The following AGPS variants were observed in gnomAD, a reference collection of about 807,000 sequenced individuals.
AGPS encodes the protein alkylglycerone phosphate synthase.
Under a neutral mutation model 90.7 loss-of-function variants are expected in AGPS, and 26 were observed. The observed-to-expected ratio is 0.29, with a 90% CI of 0.21 to 0.40. The LOEUF is 0.40. Ranked by LOEUF, AGPS falls within the 10% of genes least tolerant of loss-of-function variation. AGPS has a pLI of 1.00. For missense variants in AGPS, 540 were observed against 816.1 expected, an observed-to-expected ratio of 0.66 and a Z score of 4.12; for synonymous variants, 294 against 285.3, an observed-to-expected ratio of 1.03 and a Z score of -0.31.
At chr2:177,436,908 A>T in intron 4 of AGPS, 24 bp downstream of exon 4, 1 of 1,611,346 alleles carries the variant, frequency 6.2e-7, no homozygotes. Flanking sequence ...TATTAGCCCT[A>T]TTTATTTTTA....
At chr2:177,474,994 T>C (rs1687738729) in intron 10 of AGPS, among the ~76,000 whole-genome samples, 2 of 152,250 alleles carry the variant, frequency 1.3e-5, no homozygotes, top group South Asian at 4.1e-4. Context: ...TCAGGGTTTA[T>C]ACTCACCTTC....
intron 2 of AGPS, among the ~76,000 whole-genome samples, chr2:177,432,222 A>G (rs182443534): frequency 6.6e-6 from 1 of 152,186 alleles, no homozygotes; most frequent in Non-Finnish European, 1.5e-5. Flanking sequence ...CTGGTTCTGT[A>G]TCTTCTATAA....
intron 8 of AGPS, among the ~76,000 whole-genome samples, chr2:177,456,979 C>G (rs904356473): frequency 3.3e-5 from 5 of 152,086 alleles, no homozygotes; most frequent in African/African-American, 1.2e-4. Context: ...GAACAGAAAT[C>G]ATAACAAACA....
chr2:177,461,743 A>G (rs1306585658), intron 8 of AGPS, 150 bp from the exon 9 acceptor site: 4 of 704,052 alleles, frequency 5.7e-6, no homozygotes, highest in Non-Finnish European at 8.7e-6. Flanking sequence ...GTGTGATAAA[A>G]GTATCTTTTT....
intron 18 of AGPS, among the ~76,000 whole-genome samples, chr2:177,523,441 A>G (rs991267617): frequency 2.0e-5 from 3 of 152,222 alleles, no homozygotes; most frequent in Non-Finnish European, 2.9e-5. Flanking sequence ...CTGACTCTAC[A>G]TTTACAACTT....
At chr2:177,444,552 G>A (rs16865285) in intron 7 of AGPS, among the ~76,000 whole-genome samples, 4,029 of 151,938 alleles carry the variant, frequency 0.027, 182 homozygotes, top group African/African-American at 0.092. Context: ...TTTTCACAAC[G>A]CTGTGAATTA....
At chr2:177,395,559 A>G (rs750820578) in intron 1 of AGPS, among the ~76,000 whole-genome samples, 2 of 152,226 alleles carry the variant, frequency 1.3e-5, no homozygotes, top group African/African-American at 2.4e-5. Context: ...ATCATGAGGA[A>G]CCCAAGTCTC....
At chr2:177,476,150 A>G (rs998767608) in intron 10 of AGPS, among the ~76,000 whole-genome samples, 29 of 150,250 alleles carry the variant, frequency 1.9e-4, no homozygotes, top group African/African-American at 6.6e-4. Context: ...ATTATTTTTT[A>G]TTGGTTTTCT....
chr2:177,434,503 T>C, intron 3 of AGPS, 86 bp downstream of exon 3: 3 of 1,002,362 alleles, frequency 3.0e-6, no homozygotes, highest in Non-Finnish European at 3.1e-6. Context: ...ATTCATTATA[T>C]TGGATTTACT....
At chr2:177,466,494 G>A (rs1033478757) in intron 9 of AGPS, among the ~76,000 whole-genome samples, 3 of 152,216 alleles carry the variant, frequency 2.0e-5, no homozygotes, top group African/African-American at 4.8e-5. Flanking sequence ...TTCCGCCCAG[G>A]AGCCTGTCTG....
chr2:177,540,918 T>C lies in AGPS; in HGVS notation c.*2723T>C, dbSNP rs1250373512. On this transcript the variant is annotated 3_prime_UTR_variant, in exon 20 of 20. Coordinates refer to ENST00000264167, the MANE Select transcript of AGPS (RefSeq NM_003659.4). ...TAATGTTTGGTGCAATTTCTAGTAG[T>C]GCATAAGTGAATTTAGTCTTATGAT... is the stretch of plus-strand genomic sequence containing the variant. The C allele has an allele frequency of 6.6e-6, 1 of 152,098 alleles. No individual in the cohort carries two copies. The highest frequency in any genetic ancestry group is 1.5e-5 in the Non-Finnish European group (1 of 67,976). The allele number at this position is 152,098 out of a possible 1,614,324, so 9.4% of individuals were successfully genotyped here.
chr2:177,497,637 C>A (rs1688447384), intron 12 of AGPS, 52 bp from the exon 13 acceptor site: 3 of 1,048,716 alleles, frequency 2.9e-6, no homozygotes, highest in Admixed American at 5.2e-5. Flanking sequence ...GCTTCTTGAT[C>A]TTCTGAAAAA....
At chr2:177,497,860 A>T in intron 13 of AGPS, 95 bp downstream of exon 13, 1 of 552,460 alleles carries the variant, frequency 1.8e-6, no homozygotes. Flanking sequence ...GTGTTTTTCC[A>T]TGTTGCTATG....
Position 177,426,770 on chromosome 2 carries a change from A to G in AGPS, c.350+6412A>G, listed in dbSNP as rs147798119. Among the ~76,000 whole-genome samples the G allele has an allele frequency of 2.6e-3, 392 of 152,266 alleles. 4 individuals carry two copies. Among genetic ancestry groups the G allele is most frequent in the African/African-American group, 9.0e-3 (374 of 41,544 alleles). ...GATGTATTGCTGGGTTCAGTTTGCCAGTATTTTATTTAGGATTTTTGCATT... is the reference window on the plus strand; with the variant it reads ...GATGTATTGCTGGGTTCAGTTTGCCGGTATTTTATTTAGGATTTTTGCATT... On this transcript the variant is annotated intron_variant, in intron 2 of 19. Coordinates refer to ENST00000264167, the MANE Select transcript of AGPS (RefSeq NM_003659.4).
At chr2:177,527,123 T>C (rs2079096395) in intron 19 of AGPS, among the ~76,000 whole-genome samples, 1 of 152,104 alleles carries the variant, frequency 6.6e-6, no homozygotes, top group East Asian at 1.9e-4. Context: ...GACATGTAAT[T>C]AATTTTTTTT....
chr2:177,471,626 A>G (rs1345937200), intron 10 of AGPS, among the ~76,000 whole-genome samples: 2 of 152,124 alleles, frequency 1.3e-5, no homozygotes, highest in African/African-American at 4.8e-5. Flanking sequence ...TTTGTCTACA[A>G]TTAAAGAGAT....
At chr2:177,395,639 G>A (rs2105579948) in intron 1 of AGPS, among the ~76,000 whole-genome samples, 1 of 152,334 alleles carries the variant, frequency 6.6e-6, no homozygotes, top group South Asian at 2.1e-4. Context: ...GAAGATAAAT[G>A]ATAGAGGAAG....
chr2:177,405,681 T>TC (rs1685450360), intron 1 of AGPS, among the ~76,000 whole-genome samples: 1 of 151,432 alleles, frequency 6.6e-6, no homozygotes, highest in African/African-American at 2.4e-5. Context: ...TTGTTTTTTT[T>TC]TTTTTTTCCC....
intron 8 of AGPS, among the ~76,000 whole-genome samples, chr2:177,459,876 T>A (rs1687239398): frequency 6.6e-6 from 1 of 152,254 alleles, no homozygotes; most frequent in South Asian, 2.1e-4. Context: ...GTATGTTTAC[T>A]GCAGCACTAT....
Sources: allele counts gnomAD v4.1 joint callset (sites outside exome capture counted in the v4.1 genomes callset), GRCh38; gene constraint gnomAD v4.1.1; transcripts MANE v1.5; gene names NCBI Gene and HGNC (gene_info 2026-07-23, HGNC 2026-07-21).